Variants in NUF2 observed in about 807,000 individuals in gnomAD.
The protein encoded by NUF2 is kinetochore protein Nuf2.
A neutral mutation model predicts 61.8 loss-of-function variants in NUF2; 34 were observed. The ratio of observed to expected loss-of-function variants is 0.55; its 90% CI spans 0.42 to 0.73. The LOEUF is 0.73. NUF2 is among the 30% of genes least tolerant of loss of function. The pLI, the probability that NUF2 is intolerant of heterozygous loss-of-function variation, is 0.00. For missense variants in NUF2, 445 were observed against 539.1 expected (o/e 0.83, Z 1.73); for synonymous variants, 172 against 181.6 (o/e 0.95, Z 0.42).
Position 163,345,660 on chromosome 1 carries a change from G to A in NUF2, c.808-18G>A, listed in dbSNP as rs1394229728. The A allele has an allele frequency of 1.2e-6, 2 of 1,600,030 alleles. No individual in the cohort carries two copies. Among genetic ancestry groups the A allele is most frequent in the Admixed American group, 3.5e-5 (2 of 56,496 alleles). ...AGAAGAATATCAAACTGTGGTCTCTGTTTTTTGTCTTTCAAAGCAAGAAGT... is the reference window on the plus strand; with the variant it reads ...AGAAGAATATCAAACTGTGGTCTCTATTTTTTGTCTTTCAAAGCAAGAAGT... On this transcript the variant is annotated intron_variant, in intron 10 of 13. Coordinates refer to ENST00000271452, the MANE Select transcript of NUF2 (RefSeq NM_145697.3).
chr1:163,327,237 G>A (rs1054453373), intron 2 of NUF2, among the ~76,000 whole-genome samples: 6 of 151,940 alleles, frequency 3.9e-5, no homozygotes, highest in Non-Finnish European at 1.5e-5. Flanking sequence ...TGGGTTGCTT[G>A]GATTGGATTT....
At chr1:163,332,233 T>A (rs918775856) in intron 5 of NUF2, among the ~76,000 whole-genome samples, 1 of 152,142 alleles carries the variant, frequency 6.6e-6, no homozygotes, top group African/African-American at 2.4e-5. Context: ...TTTTTTCATG[T>A]ATGGGTTATT....
At chr1:163,338,758 C>T (rs762032644) in intron 7 of NUF2, among the ~76,000 whole-genome samples, 4 of 152,008 alleles carry the variant, frequency 2.6e-5, no homozygotes, top group Non-Finnish European at 5.9e-5. Context: ...ATATTTGCAG[C>T]ACATGCCACA....
At chr1:163,351,533 G>A (rs916886632) in intron 13 of NUF2, among the ~76,000 whole-genome samples, 2 of 152,110 alleles carry the variant, frequency 1.3e-5, no homozygotes, top group African/African-American at 4.8e-5. Context: ...TGATCAGCAT[G>A]CCTTTTTCTT....
chr1:163,341,192 A>G (rs927754458), intron 9 of NUF2, among the ~76,000 whole-genome samples: 2 of 151,910 alleles, frequency 1.3e-5, no homozygotes, highest in East Asian at 3.9e-4. Context: ...AAAAAATCTC[A>G]TTTTATTTGT....
intron 10 of NUF2, among the ~76,000 whole-genome samples, chr1:163,345,154 A>G (rs1234201747): frequency 6.6e-6 from 1 of 152,114 alleles, no homozygotes; most frequent in East Asian, 1.9e-4. Flanking sequence ...TAAGAAAAAG[A>G]AAAAAATAAG....
intron 1 of NUF2, among the ~76,000 whole-genome samples, chr1:163,323,985 A>AG (rs1246635501): frequency 3.6e-5 from 1 of 27,630 alleles, no homozygotes; most frequent in Non-Finnish European, 1.9e-4. Context: ...AGCAGAGGCC[A>AG]TTATACTGTG....
At chr1:163,323,255 C>T (rs1479669128) in intron 1 of NUF2, among the ~76,000 whole-genome samples, 1 of 152,188 alleles carries the variant, frequency 6.6e-6, no homozygotes, top group African/African-American at 2.4e-5. Flanking sequence ...GCAATACTCT[C>T]TAATTCAGAT....
rs1651100962 is a variant in NUF2, at chr1:163,345,697, A to G, written c.827A>G (p.Tyr276Cys). ...TCAAAGCAAGAAGTGGTGGAGAAAT[A>G]TGAAATCTATGGAGACTCAGTTGAC... ...KNARQEVVEK[Y>C]EIYGDSVDCL... is the part of the protein sequence containing the mutation. The change falls in exon 11 of 14, where the codon TAT becomes TGT. Residue 276 changes from tyrosine (Y) to cysteine (C), a missense_variant. Physicochemically the swap from Tyr to Cys is radical, Grantham distance 194 (BLOSUM62 -2). Transcript: ENST00000271452. The G allele has an allele frequency of 1.9e-6, 3 of 1,611,256 alleles. No homozygotes were observed. Among genetic ancestry groups the G allele is most frequent in the African/African-American group, 1.3e-5 (1 of 74,792 alleles).
chr1:163,330,987 G>T (rs1650578362), intron 5 of NUF2, among the ~76,000 whole-genome samples: 1 of 142,696 alleles, frequency 7.0e-6, no homozygotes, highest in Non-Finnish European at 1.5e-5. Context: ...ATTTTTGTTT[G>T]AGGACAAAAT....
At position 163,347,863 on chromosome 1, in the gene NUF2, A is replaced by G. The variant is rs1319481437; in HGVS notation, c.1049A>G (p.Glu350Gly). 2 of 1,612,088 alleles carry G rather than the reference A, an allele frequency of 1.2e-6. No individual in the cohort carries two copies. The highest frequency in any genetic ancestry group is 8.5e-7 in the Non-Finnish European group (1 of 1,179,258). ...AAAAGACTGATGATTGTGAAGAAGG[A>G]AAAACTTGCCACAGCACAATTCAAA... ...SFKRLMIVKK[E>G]KLATAQFKIN... Residue 350 changes from glutamate (E) to glycine (G), a missense_variant, in exon 12 of 14, where the codon GAA becomes GGA. By Grantham distance (98) the Glu-to-Gly change is moderately conservative. Coordinates refer to ENST00000271452, the MANE Select transcript of NUF2 (RefSeq NM_145697.3).
chr1:163,339,153 A>C, intron 7 of NUF2: 1 of 471,500 alleles, frequency 2.1e-6, no homozygotes. Flanking sequence ...ATGTGTGTGG[A>C]TGGATCCATA....
chr1:163,322,542 A>C (rs1198962720), intron 1 of NUF2, among the ~76,000 whole-genome samples: 1 of 152,232 alleles, frequency 6.6e-6, no homozygotes, highest in African/African-American at 2.4e-5. Context: ...CATATATAGC[A>C]CTACGCATGC....
chr1:163,351,887 T>G (rs1241764838), intron 13 of NUF2, among the ~76,000 whole-genome samples: 2 of 152,224 alleles, frequency 1.3e-5, no homozygotes, highest in Non-Finnish European at 2.9e-5. Flanking sequence ...AAATGTTCTT[T>G]CCCATAGATA....
chr1:163,336,764 A>C lies in NUF2; in HGVS notation c.351A>C (p.Thr117=). 6.2e-7 allele frequency: 1 copy of C among 1,609,654 alleles called. No homozygotes were observed. Among genetic ancestry groups the C allele is most frequent in the Non-Finnish European group, 8.5e-7 (1 of 1,176,268 alleles). Residue 117 remains threonine, a synonymous_variant, in exon 6 of 14, where the codon ACA becomes ACC. Transcript: ENST00000271452. The part of the protein sequence containing the change: ...ADILCPKAKR[T]SRFLSGIINF... The stretch of plus-strand genomic sequence containing the variant: ...TTTCTATTTTAGAAGCAAAACGGAC[A>C]AGTCGGTTTTTAAGTGGCATTATCA...
In NUF2 at chr1:163,329,038, CATTTTTA is replaced by C. The variant is rs569213130; in HGVS notation, c.337+133_337+139del. On this transcript the variant is annotated intron_variant, in intron 5 of 13. Transcript: ENST00000271452. The stretch of plus-strand genomic sequence containing the variant: ...GAAATTGCCTTTAAAAAGTATATCC[CATTTTTA>C]AGTATGAATTTTTAATATCTTGTTG... The C allele has an allele frequency of 1.3e-3, 611 of 465,858 alleles. 4 individuals are homozygous for C. Among genetic ancestry groups the C allele is most frequent in the African/African-American group, 8.2e-3 (410 of 49,802 alleles). 28.9% of individuals were successfully genotyped at this position (465,858 alleles called of 1,614,324 possible).
At chr1:163,333,178 T>C (rs961710773) in intron 5 of NUF2, among the ~76,000 whole-genome samples, 19 of 152,222 alleles carry the variant, frequency 1.2e-4, no homozygotes, top group African/African-American at 4.1e-4. Flanking sequence ...AGAATTGCTA[T>C]ATCCTCTTGA....
chr1:163,343,827 A>G lies in NUF2; in HGVS notation c.764A>G (p.Lys255Arg). 1 of 1,464,326 alleles carries G rather than the reference A, an allele frequency of 6.8e-7. No homozygotes were observed. Among genetic ancestry groups the G allele is most frequent in the Non-Finnish European group, 9.1e-7 (1 of 1,104,156 alleles). The allele number at this position is 1,464,326 out of a possible 1,614,324, so 90.7% of individuals were successfully genotyped here. The change falls in exon 10 of 14, where the codon AAA becomes AGA. Residue 255 changes from lysine (K) to arginine (R), a missense_variant. Transcript: ENST00000271452. ...TCTCCAGAGAAGTTAAAGAATTATA[A>G]AGAAAAAATGAAAGATACGGTCCAG... ...VDSPEKLKNY[K>R]EKMKDTVQKL...
chr1:163,338,617 G>T (rs953498905), intron 7 of NUF2, among the ~76,000 whole-genome samples: 1 of 151,904 alleles, frequency 6.6e-6, no homozygotes, highest in Non-Finnish European at 1.5e-5. Context: ...TGTCTTTGAG[G>T]TTATCTGTTT....
Sources: allele counts gnomAD v4.1 joint callset (sites outside exome capture counted in the v4.1 genomes callset), GRCh38; gene constraint gnomAD v4.1.1; transcripts MANE v1.5; gene names NCBI Gene and HGNC (gene_info 2026-07-23, HGNC 2026-07-21).